The following CR1L variants were observed in gnomAD, a reference collection of about 807,000 sequenced individuals.
The protein encoded by CR1L is complement C3b/C4b receptor 1 like, also known as complement component receptor 1-like protein.
In CR1L, 59 loss-of-function variants were observed where a neutral mutation model predicts 62.3. The ratio of observed to expected loss-of-function variants is 0.95; its 90% CI spans 0.77 to 1.18. The LOEUF is 1.18. Among genes scored for constraint, CR1L ranks in the 50% most tolerant of loss-of-function variants. The probability of loss-of-function intolerance (pLI) is 0.00; values close to 1 mark genes in which losing one functional copy is unlikely to be tolerated. For missense variants in CR1L, 700 were observed against 702.8 expected (o/e 1.00, Z 0.04); for synonymous variants, 279 against 248.7 (o/e 1.12, Z -1.15).
chr1:207,667,043 C>T (rs1165700254), intron 1 of CR1L, among the ~76,000 whole-genome samples: 6 of 152,084 alleles, frequency 3.9e-5, no homozygotes, highest in African/African-American at 1.4e-4. Context: ...AACAAATTAC[C>T]TATATTCCCA....
chr1:207,697,381 A>G, intron 5 of CR1L, 122 bp from the exon 6 acceptor site: 1 of 1,581,486 alleles, frequency 6.3e-7, no homozygotes, highest in Non-Finnish European at 8.6e-7. Context: ...CAATGTAATA[A>G]GGCTGTTATT....
At chr1:207,697,936 G>T in intron 7 of CR1L, 63 bp downstream of exon 7, 8 of 1,608,902 alleles carry the variant, frequency 5.0e-6, no homozygotes, top group Non-Finnish European at 6.8e-6. Flanking sequence ...AGTCCAAAAA[G>T]GGGAGATTTG....
At chr1:207,718,809 G>A (rs182929991) in intron 11 of CR1L, among the ~76,000 whole-genome samples, 3 of 151,634 alleles carry the variant, frequency 2.0e-5, no homozygotes, top group Non-Finnish European at 4.4e-5. Flanking sequence ...ACATGCACAC[G>A]TATGTTTATT....
intron 11 of CR1L, among the ~76,000 whole-genome samples, chr1:207,721,762 G>A (rs1467006998): frequency 5.3e-5 from 8 of 151,868 alleles, no homozygotes; most frequent in Admixed American, 1.3e-4. Flanking sequence ...CTGAGGAATC[G>A]CCACACTGAC....
intron 1 of CR1L, among the ~76,000 whole-genome samples, chr1:207,676,063 G>A (rs920658528): frequency 1.3e-5 from 2 of 152,122 alleles, no homozygotes; most frequent in East Asian, 1.9e-4. Context: ...ATGCATGAGT[G>A]TATCTTACAC....
intron 3 of CR1L, 41 bp downstream of exon 3, chr1:207,678,338 G>A (rs761775680): frequency 2.0e-6 from 3 of 1,537,650 alleles, no homozygotes; most frequent in Admixed American, 1.7e-5. Context: ...TTGGTTCAAG[G>A]GTTCTAACAC....
chr1:207,676,334 C>T (rs191814829), intron 1 of CR1L, among the ~76,000 whole-genome samples: 37 of 152,170 alleles, frequency 2.4e-4, no homozygotes, highest in African/African-American at 6.0e-4. Context: ...CGGTACTGTC[C>T]GGTGGCCTGT....
intron 11 of CR1L, among the ~76,000 whole-genome samples, chr1:207,722,694 A>G (rs1654165569): frequency 6.6e-6 from 1 of 152,202 alleles, no homozygotes; most frequent in Non-Finnish European, 1.5e-5. Context: ...TGAACACCCA[A>G]TAAAAAGTAA....
intron 1 of CR1L, among the ~76,000 whole-genome samples, chr1:207,676,670 G>A (rs1663697027): frequency 6.6e-6 from 1 of 152,076 alleles, no homozygotes; most frequent in African/African-American, 2.4e-5. Context: ...TATTATTATT[G>A]TTAAGATGGA....
chr1:207,691,151 A>T (rs1485848550), intron 4 of CR1L, among the ~76,000 whole-genome samples: 1 of 152,156 alleles, frequency 6.6e-6, no homozygotes, highest in African/African-American at 2.4e-5. Flanking sequence ...TGTATTTTAA[A>T]CATGTTATTA....
At chr1:207,686,461 T>C (rs1663914233) in intron 4 of CR1L, among the ~76,000 whole-genome samples, 1 of 152,112 alleles carries the variant, frequency 6.6e-6, no homozygotes, top group Admixed American at 6.6e-5. Flanking sequence ...GCACTTTAGT[T>C]ATATGTATCG....
intron 10 of CR1L, chr1:207,711,239 A>G (rs111864312): frequency 1.0e-3 from 212 of 210,270 alleles, no homozygotes; most frequent in Non-Finnish European, 1.5e-3. Context: ...GGGAGGTGTT[A>G]TGGCAGATAC....
chr1:207,684,633 A>G (rs2102462661), intron 4 of CR1L, among the ~76,000 whole-genome samples: 1 of 152,336 alleles, frequency 6.6e-6, no homozygotes, highest in South Asian at 2.1e-4. Context: ...CAGAATGAAA[A>G]TAAGTATATC....
intron 1 of CR1L, chr1:207,658,631 G>A (rs1283673078): frequency 1.3e-5 from 2 of 152,516 alleles, no homozygotes; most frequent in Non-Finnish European, 2.9e-5. Flanking sequence ...ATGGGATGTG[G>A]TGAACAGCAG....
chr1:207,713,669 G>A (rs373124313), intron 10 of CR1L, among the ~76,000 whole-genome samples: 166 of 152,380 alleles, frequency 1.1e-3, no homozygotes, highest in Middle Eastern at 6.8e-3. Flanking sequence ...ACTGGCACAG[G>A]AGCGGGCTCC....
At chr1:207,722,781 A>G (rs984625701) in intron 11 of CR1L, among the ~76,000 whole-genome samples, 11 of 150,788 alleles carry the variant, frequency 7.3e-5, no homozygotes, top group South Asian at 2.1e-4. Flanking sequence ...AAAAACAATT[A>G]TGCAATGTGT....
chr1:207,707,189 A>G (rs1178311039), intron 9 of CR1L, among the ~76,000 whole-genome samples: 1 of 152,196 alleles, frequency 6.6e-6, no homozygotes, highest in African/African-American at 2.4e-5. Flanking sequence ...TAGTAAGGGG[A>G]GGGAAGGAAA....
At chr1:207,675,130 C>T (rs1343670536) in intron 1 of CR1L, among the ~76,000 whole-genome samples, 1 of 152,158 alleles carries the variant, frequency 6.6e-6, no homozygotes, top group Non-Finnish European at 1.5e-5. Context: ...AAAAACATGT[C>T]ATCATTTGCC....
intron 1 of CR1L, among the ~76,000 whole-genome samples, chr1:207,674,167 C>T (rs185231322): frequency 5.5e-4 from 84 of 152,158 alleles, no homozygotes; most frequent in Middle Eastern, 3.4e-3. Context: ...GAAAACAGGT[C>T]GAAGGTTGCC....
Sources: allele counts gnomAD v4.1 joint callset (sites outside exome capture counted in the v4.1 genomes callset), GRCh38; gene constraint gnomAD v4.1.1; transcripts MANE v1.5; gene names NCBI Gene and HGNC (gene_info 2026-07-23, HGNC 2026-07-21).